Variants in NRK observed in about 807,000 individuals in gnomAD.
NRK encodes the protein nik-related protein kinase.
A neutral mutation model predicts 125.2 loss-of-function variants in NRK; 67 were observed. The ratio of observed to expected loss-of-function variants is 0.54; its 90% CI spans 0.44 to 0.66. The LOEUF is 0.66. Ranked by LOEUF, NRK falls within the 30% of genes least tolerant of loss-of-function variation. The pLI, the probability that NRK is intolerant of heterozygous loss-of-function variation, is 0.00. For synonymous variants in NRK, 458 were observed against 429.0 expected, an observed-to-expected ratio of 1.07 and a Z score of -0.84; for missense variants, 1,224 against 1,192.9, an observed-to-expected ratio of 1.03 and a Z score of -0.38.
chrX:105,910,496 A>G (rs2040284787), intron 13 of NRK, among the ~76,000 whole-genome samples: 1 of 112,423 alleles, frequency 8.9e-6, no homozygotes, highest in Admixed American at 9.4e-5. Flanking sequence ...AGAACGTGAA[A>G]CAATTTACAA....
At chrX:105,850,251 A>G (rs912964368) in intron 2 of NRK, among the ~76,000 whole-genome samples, 2 of 112,170 alleles carry the variant, frequency 1.8e-5, no homozygotes, top group African/African-American at 3.2e-5. Flanking sequence ...CCTTTAAGCT[A>G]TAGCTGGAGC....
In NRK at chrX:105,854,637, A is replaced by G. The variant is rs1049721178; in HGVS notation, c.123+23518A>G. Among the ~76,000 whole-genome samples, 4 of 111,827 alleles carry G rather than the reference A, an allele frequency of 3.6e-5. No individual in the cohort carries two copies. The Admixed American group carries it at 3.8e-4, about 11-fold the overall frequency. The stretch of plus-strand genomic sequence containing the variant: ...CAGGTTCGCTGTGTTCTGGTCCATA[A>G]TATGTCAAGTGGATATGTCAGGTGA... On this transcript the variant is annotated intron_variant, in intron 2 of 28. Transcript: ENST00000243300.
intron 5 of NRK, among the ~76,000 whole-genome samples, chrX:105,891,901 A>G (rs1363729969): frequency 9.0e-6 from 1 of 111,690 alleles, no homozygotes; most frequent in African/African-American, 3.3e-5. Flanking sequence ...TAGTTTAGTT[A>G]CTGAGGAATT....
rs1298578282 is a variant in NRK at position 105,909,326 on chromosome X, A to G, written c.1685A>G (p.Gln562Arg). 8.3e-7 allele frequency: 1 copy of G among 1,206,160 alleles called. No individual in the cohort carries two copies. The highest frequency in any genetic ancestry group is 1.1e-6 in the Non-Finnish European group (1 of 891,987). ...QNQAPEQPEV[Q>R]EQAAEPAQAE... is the part of the protein sequence containing the mutation. ...CAGGCACCTGAACAGCCAGAGGTAC[A>G]GGAACAGGCTGCCGAGCCTGCACAG... Residue 562 changes from glutamine (Q) to arginine (R), a missense_variant, in exon 13 of 29, where the codon CAG becomes CGG. Transcript: ENST00000243300.
intron 21 of NRK, 42 bp downstream of exon 21, chrX:105,935,367 G>T: frequency 2.2e-6 from 2 of 902,464 alleles, no homozygotes; most frequent in Non-Finnish European, 3.1e-6. Flanking sequence ...TTTTTATGTA[G>T]CAAACCTGTG....
chrX:105,834,525 C>T (rs1231381103), intron 2 of NRK, among the ~76,000 whole-genome samples: 1 of 109,984 alleles, frequency 9.1e-6, no homozygotes, highest in Non-Finnish European at 1.9e-5. Flanking sequence ...GTTCTCTTAG[C>T]TTCCTGGACA....
At chrX:105,895,265 T>G (rs1281207626) in intron 6 of NRK, 168 bp from the exon 7 acceptor site, 2 of 534,949 alleles carry the variant, frequency 3.7e-6, no homozygotes, top group Non-Finnish European at 6.8e-6. Flanking sequence ...GGGAACGGGT[T>G]GTAGTGATTC....
At position 105,857,689 on chromosome X, in the gene NRK, T is replaced by C. The variant is rs770438616; in HGVS notation, c.124-22510T>C. Among the ~76,000 whole-genome samples, 13 of 111,503 alleles carry C rather than the reference T, an allele frequency of 1.2e-4. No homozygotes were observed. The East Asian group carries it at 3.1e-3, about 27-fold the overall frequency. ...CTGGGGGCTTTGTTACACACATAGC[T>C]AATAGCATGACTAAGAAAATAACCA... On this transcript the variant is annotated intron_variant, in intron 2 of 28. Coordinates refer to ENST00000243300, the MANE Select transcript of NRK (RefSeq NM_198465.4).
intron 4 of NRK, among the ~76,000 whole-genome samples, chrX:105,886,253 A>G (rs1215510376): frequency 9.2e-6 from 1 of 109,139 alleles, no homozygotes; most frequent in East Asian, 2.9e-4. Context: ...GTTTATTGAT[A>G]TGGAAAGATG....
At chrX:105,900,706 T>A in intron 9 of NRK, 34 bp downstream of exon 9, 1 of 857,086 alleles carries the variant, frequency 1.2e-6, no homozygotes, top group Non-Finnish European at 1.7e-6. Flanking sequence ...TGTTAAAGAT[T>A]AGGGAAATGT....
intron 2 of NRK, among the ~76,000 whole-genome samples, chrX:105,856,518 G>A (rs746813070): frequency 3.6e-5 from 4 of 111,208 alleles, no homozygotes; most frequent in Non-Finnish European, 7.6e-5. Context: ...TCAATATTTA[G>A]TATGCTTGTA....
At chrX:105,828,318 C>T (rs1300463269) in intron 1 of NRK, among the ~76,000 whole-genome samples, 2 of 111,907 alleles carry the variant, frequency 1.8e-5, no homozygotes, top group Admixed American at 1.9e-4. Context: ...GAGCAGAAAT[C>T]AAGTTTCCCA....
intron 28 of NRK, among the ~76,000 whole-genome samples, chrX:105,953,766 G>C (rs2040934943): frequency 9.0e-6 from 1 of 111,622 alleles, no homozygotes; most frequent in South Asian, 3.7e-4. Context: ...AAATAGTTTA[G>C]ATGGAAAATT....
chrX:105,900,925 A>G, intron 9 of NRK, among the ~76,000 whole-genome samples: 1 of 111,329 alleles, frequency 9.0e-6, no homozygotes, highest in Non-Finnish European at 1.9e-5. Flanking sequence ...ATCTTATTTT[A>G]CATTGACTGA....
intron 2 of NRK, among the ~76,000 whole-genome samples, chrX:105,852,562 AT>A (rs1602609025): frequency 9.0e-6 from 1 of 110,979 alleles, no homozygotes; most frequent in Non-Finnish European, 1.9e-5. Context: ...CTTGGCCTTC[AT>A]TTTTTTTCTT....
chrX:105,935,873 C>T (rs1297781531), intron 21 of NRK, among the ~76,000 whole-genome samples: 5 of 107,364 alleles, frequency 4.7e-5, no homozygotes, highest in Non-Finnish European at 5.7e-5. Flanking sequence ...GTTTAAGTTT[C>T]GTATTTCTAA....
intron 6 of NRK, among the ~76,000 whole-genome samples, chrX:105,894,270 C>A (rs1291562202): frequency 1.8e-5 from 2 of 111,917 alleles, no homozygotes; most frequent in Non-Finnish European, 3.8e-5. Flanking sequence ...AAAAACATAG[C>A]ACAAGCATCA....
chrX:105,946,416 C>T lies in NRK; in HGVS notation c.4305C>T (p.Leu1435=). 1.7e-6 allele frequency: 2 copies of T among 1,197,942 alleles called. No individual in the cohort carries two copies. Among genetic ancestry groups the T allele is most frequent in the Non-Finnish European group, 2.3e-6 (2 of 883,816 alleles). The change falls in exon 26 of 29, where the codon CTC becomes CTT. Residue 1435 remains leucine, a synonymous_variant. Transcript: ENST00000243300. ...IFFSSADGYH[L]IDAESEVMSD... ...TCAGCTCAGCAGATGGATATCACCT[C>T]ATCGATGCAGAATCTGAGGTTATGT...
At chrX:105,830,983 A>T (rs1251217844) in intron 1 of NRK, 71 bp from the exon 2 acceptor site, 12 of 625,786 alleles carry the variant, frequency 1.9e-5, no homozygotes, top group Non-Finnish European at 3.1e-5. Flanking sequence ...TATATATATT[A>T]AAAAAAAGAT....
Sources: allele counts gnomAD v4.1 joint callset (sites outside exome capture counted in the v4.1 genomes callset), GRCh38; gene constraint gnomAD v4.1.1; transcripts MANE v1.5; gene names NCBI Gene and HGNC (gene_info 2026-07-23, HGNC 2026-07-21).